Variants in SUCLG2 observed in about 807,000 individuals in gnomAD.
SUCLG2 encodes the protein succinate-CoA ligase GDP-forming subunit beta, also known as succinate--CoA ligase [GDP-forming] subunit beta, mitochondrial.
In SUCLG2, 42 loss-of-function variants were observed where a neutral mutation model predicts 47.9. The ratio of observed to expected loss-of-function variants is 0.88; its 90% confidence interval spans 0.69 to 1.14. SUCLG2 has a LOEUF of 1.14. Among genes scored for constraint, SUCLG2 ranks in the 50% most tolerant of loss-of-function variants. The pLI is 0.00. For missense variants in SUCLG2, 571 were observed against 525.9 expected (o/e 1.09, Z -0.84); for synonymous variants, 195 against 197.3 (o/e 0.99, Z 0.10).
chr3:67,382,595 G>C (rs904653892), intron 10 of SUCLG2, among the ~76,000 whole-genome samples: 5 of 152,180 alleles, frequency 3.3e-5, no homozygotes, highest in African/African-American at 4.8e-5. Context: ...TTTTCAAATA[G>C]CTGGGAGGAA....
chr3:67,495,393 G>A (rs990736716), intron 9 of SUCLG2, among the ~76,000 whole-genome samples: 6 of 152,140 alleles, frequency 3.9e-5, no homozygotes, highest in African/African-American at 1.4e-4. Context: ...GGTGGCTCAT[G>A]CCTGTAATTT....
chr3:67,391,093 T>C (rs1004230103), intron 10 of SUCLG2, among the ~76,000 whole-genome samples: 2 of 152,226 alleles, frequency 1.3e-5, no homozygotes, highest in East Asian at 1.9e-4. Flanking sequence ...AAAAGGTTTG[T>C]TTCAGCAACA....
At chr3:67,595,631 C>A (rs867058286) in intron 2 of SUCLG2, among the ~76,000 whole-genome samples, 5 of 152,184 alleles carry the variant, frequency 3.3e-5, no homozygotes, top group Non-Finnish European at 5.9e-5. Flanking sequence ...CTGACTGTTT[C>A]TCTATCACTC....
intron 9 of SUCLG2, among the ~76,000 whole-genome samples, chr3:67,427,891 T>A (rs1349852410): frequency 6.6e-6 from 1 of 152,178 alleles, no homozygotes; most frequent in African/African-American, 2.4e-5. Context: ...GAGATCGAAC[T>A]GCAAGGTGGC....
At chr3:67,478,882 A>T (rs187225782) in intron 9 of SUCLG2, among the ~76,000 whole-genome samples, 47 of 152,314 alleles carry the variant, frequency 3.1e-4, no homozygotes, top group African/African-American at 1.1e-3. Flanking sequence ...CACTTAAAGA[A>T]TTTTCAAAGT....
chr3:67,627,766 A>G (rs1280800992), intron 1 of SUCLG2, among the ~76,000 whole-genome samples: 2 of 152,218 alleles, frequency 1.3e-5, no homozygotes, highest in Non-Finnish European at 2.9e-5. Flanking sequence ...TTTCAAGACT[A>G]GCTGGTTCCA....
At chr3:67,473,977 G>A (rs1243000873) in intron 9 of SUCLG2, among the ~76,000 whole-genome samples, 2 of 152,112 alleles carry the variant, frequency 1.3e-5, no homozygotes, top group African/African-American at 2.4e-5. Flanking sequence ...ACACTAACAG[G>A]TCAGGCATGG....
At chr3:67,605,522 G>A (rs1700394706) in intron 2 of SUCLG2, among the ~76,000 whole-genome samples, 1 of 152,132 alleles carries the variant, frequency 6.6e-6, no homozygotes, top group Non-Finnish European at 1.5e-5. Flanking sequence ...CTGAGTTCGG[G>A]AAGGATTACT....
At chr3:67,636,825 A>C (rs1306057369) in intron 1 of SUCLG2, among the ~76,000 whole-genome samples, 1 of 150,034 alleles carries the variant, frequency 6.7e-6, no homozygotes, top group African/African-American at 2.5e-5. Context: ...TTTTAGAATC[A>C]GCTGATAATG....
At chr3:67,581,157 G>C (rs1240705407) in intron 2 of SUCLG2, among the ~76,000 whole-genome samples, 1 of 152,114 alleles carries the variant, frequency 6.6e-6, no homozygotes, top group Non-Finnish European at 1.5e-5. Flanking sequence ...TGATGCAAAG[G>C]GAGTTACTGC....
At chr3:67,425,030 T>C (rs529644936) in intron 9 of SUCLG2, among the ~76,000 whole-genome samples, 2 of 152,144 alleles carry the variant, frequency 1.3e-5, no homozygotes, top group South Asian at 4.2e-4. Context: ...TCGCCTCCCC[T>C]TCCCCCACAC....
At chr3:67,366,490 A>G (rs1456431735) in intron 10 of SUCLG2, among the ~76,000 whole-genome samples, 1 of 152,234 alleles carries the variant, frequency 6.6e-6, no homozygotes, top group African/African-American at 2.4e-5. Context: ...AATCTCTGTT[A>G]TCGCTGCAGC....
chr3:67,576,677 T>C (rs1490325080), intron 2 of SUCLG2, among the ~76,000 whole-genome samples: 1 of 152,208 alleles, frequency 6.6e-6, no homozygotes, highest in Non-Finnish European at 1.5e-5. Context: ...AGAAACTTAC[T>C]GAGTGCCACA....
chr3:67,429,209 G>A (rs926359940), intron 9 of SUCLG2, among the ~76,000 whole-genome samples: 5 of 152,080 alleles, frequency 3.3e-5, no homozygotes, highest in Admixed American at 6.5e-5. Flanking sequence ...GAGAAAAGTC[G>A]GGTTATCCAC....
intron 9 of SUCLG2, 98 bp downstream of exon 9, chr3:67,495,700 C>T: frequency 1.5e-6 from 2 of 1,337,576 alleles, no homozygotes; most frequent in Non-Finnish European, 2.1e-6. Context: ...GCAGAGTACA[C>T]ATATTGACTT....
intron 9 of SUCLG2, among the ~76,000 whole-genome samples, chr3:67,401,219 GA>G (rs1702677701): frequency 6.6e-6 from 1 of 151,680 alleles, no homozygotes; most frequent in African/African-American, 2.4e-5. Context: ...TTTCCTCCAC[GA>G]TTTACAATTG....
intron 9 of SUCLG2, among the ~76,000 whole-genome samples, chr3:67,457,786 C>G (rs1195599182): frequency 6.9e-6 from 1 of 144,414 alleles, no homozygotes; most frequent in Non-Finnish European, 1.5e-5. Flanking sequence ...TTTATGGGAC[C>G]TTTACCATGC....
chr3:67,388,795 T>C (rs557078854), intron 10 of SUCLG2, among the ~76,000 whole-genome samples: 3 of 151,986 alleles, frequency 2.0e-5, no homozygotes, highest in Non-Finnish European at 4.4e-5. Context: ...ATTATAGTTA[T>C]AGTAGATTTA....
intron 7 of SUCLG2, among the ~76,000 whole-genome samples, chr3:67,505,165 G>A (rs897924860): frequency 4.6e-5 from 7 of 152,096 alleles, no homozygotes; most frequent in African/African-American, 1.7e-4. Context: ...TGGGGCTGCT[G>A]AGGGAGAGTT....
Sources: allele counts gnomAD v4.1 joint callset (sites outside exome capture counted in the v4.1 genomes callset), GRCh38; gene constraint gnomAD v4.1.1; transcripts MANE v1.5; gene names NCBI Gene and HGNC (gene_info 2026-07-23, HGNC 2026-07-21).